MAP4K5: variants seen among roughly 807,000 people sequenced by gnomAD.
MAP4K5 encodes mitogen-activated protein kinase kinase kinase kinase 5, also known as MAPK/ERK kinase kinase kinase 5.
MAP4K5 carries 82 observed loss-of-function variants against 135.6 expected under a neutral mutation model. That is an observed-to-expected ratio of 0.60 (90% CI 0.51 to 0.73). MAP4K5 has a LOEUF of 0.73. Ranked by LOEUF, MAP4K5 falls within the 30% of genes least tolerant of loss-of-function variation. The pLI, the probability that MAP4K5 is intolerant of heterozygous loss-of-function variation, is 0.00. For missense variants in MAP4K5, 907 were observed against 1,010.9 expected (o/e 0.90, Z 1.39); for synonymous variants, 347 against 335.0 (o/e 1.04, Z -0.39).
intron 29 of MAP4K5, 30 bp downstream of exon 29, chr14:50,429,162 A>G: frequency 1.6e-6 from 2 of 1,288,322 alleles, no homozygotes; most frequent in Non-Finnish European, 2.2e-6. Flanking sequence ...CAAGTAGTAT[A>G]CTCAAAATAA....
chr14:50,520,215 T>G (rs916276812), intron 2 of MAP4K5, among the ~76,000 whole-genome samples: 1 of 150,168 alleles, frequency 6.7e-6, no homozygotes, highest in African/African-American at 2.5e-5. Context: ...ATACAAAAAT[T>G]TGGCCGGGCG....
intron 13 of MAP4K5, among the ~76,000 whole-genome samples, chr14:50,458,590 T>C (rs1281021219): frequency 6.6e-6 from 1 of 152,196 alleles, no homozygotes; most frequent in South Asian, 2.1e-4. Context: ...ATGTTCTCAT[T>C]GAAACTCTCC....
intron 2 of MAP4K5, among the ~76,000 whole-genome samples, chr14:50,507,902 T>C (rs1007158195): frequency 6.6e-6 from 1 of 152,168 alleles, no homozygotes; most frequent in African/African-American, 2.4e-5. Flanking sequence ...CTGGATATCC[T>C]TGTTAACTTT....
At chr14:50,558,308 G>A (rs1209320186) in intron 1 of MAP4K5, among the ~76,000 whole-genome samples, 1 of 152,182 alleles carries the variant, frequency 6.6e-6, no homozygotes, top group Non-Finnish European at 1.5e-5. Flanking sequence ...GTAGTGAGCT[G>A]AGATCACGCC....
chr14:50,461,658 C>T (rs1404260170), intron 13 of MAP4K5, among the ~76,000 whole-genome samples: 1 of 152,064 alleles, frequency 6.6e-6, no homozygotes, highest in African/African-American at 2.4e-5. Flanking sequence ...TGGTGGCTCA[C>T]GCCTGTAATC....
intron 3 of MAP4K5, among the ~76,000 whole-genome samples, chr14:50,494,904 C>CTGTGTA (rs2037562103): frequency 6.6e-6 from 1 of 152,096 alleles, no homozygotes; most frequent in Non-Finnish European, 1.5e-5. Context: ...AGTTGGACCC[C>CTGTGTA]TGCCTTAAAC....
At chr14:50,522,703 C>T (rs1365039497) in intron 2 of MAP4K5, among the ~76,000 whole-genome samples, 1 of 151,918 alleles carries the variant, frequency 6.6e-6, no homozygotes, top group East Asian at 1.9e-4. Context: ...ATATGAAAAC[C>T]AAGAGTCTCT....
rs1225639386 is a variant in MAP4K5, at chr14:50,419,195, T to C, written c.*824A>G. The C allele has an allele frequency of 6.6e-6, 1 of 152,122 alleles. No homozygotes were observed. Among genetic ancestry groups the C allele is most frequent in the African/African-American group, 2.4e-5 (1 of 41,446 alleles). The allele number at this position is 152,122 out of a possible 1,614,324, so 9.4% of individuals were successfully genotyped here. On this transcript the variant is annotated 3_prime_UTR_variant, in exon 33 of 33. Transcript: ENST00000682126. ...TAATGTAAAGAAAAATCACAGGTATTTTATACTGCTTGTCAAGAATACATA... is the reference window on the plus strand; with the variant it reads ...TAATGTAAAGAAAAATCACAGGTATCTTATACTGCTTGTCAAGAATACATA...
At chr14:50,478,023 G>A (rs2037142366) in intron 6 of MAP4K5, among the ~76,000 whole-genome samples, 1 of 152,082 alleles carries the variant, frequency 6.6e-6, no homozygotes, top group African/African-American at 2.4e-5. Flanking sequence ...GGTATATATA[G>A]GATTGGCATT....
chr14:50,473,358 T>G (rs1266397502), intron 9 of MAP4K5, among the ~76,000 whole-genome samples: 2 of 152,150 alleles, frequency 1.3e-5, no homozygotes, highest in Non-Finnish European at 2.9e-5. Context: ...GCCATTGTTT[T>G]TGCTAATAGA....
chr14:50,420,477 T>A (rs1011674281), intron 32 of MAP4K5, among the ~76,000 whole-genome samples: 12 of 150,272 alleles, frequency 8.0e-5, no homozygotes, highest in Non-Finnish European at 1.3e-4. Flanking sequence ...CAAAAAAAAA[T>A]AATAATTAGC....
intron 2 of MAP4K5, among the ~76,000 whole-genome samples, chr14:50,523,789 A>C (rs545816282): frequency 1.7e-4 from 26 of 152,334 alleles, no homozygotes; most frequent in African/African-American, 6.0e-4. Flanking sequence ...GATGTATCAC[A>C]AGGCACCACA....
intron 1 of MAP4K5, among the ~76,000 whole-genome samples, chr14:50,545,452 G>A (rs1203109927): frequency 1.3e-5 from 2 of 152,168 alleles, no homozygotes; most frequent in Non-Finnish European, 2.9e-5. Flanking sequence ...GGTGGTCGAC[G>A]GCATCCATGT....
intron 3 of MAP4K5, among the ~76,000 whole-genome samples, chr14:50,493,397 T>G (rs1471774898): frequency 6.6e-6 from 1 of 152,198 alleles, no homozygotes; most frequent in African/African-American, 2.4e-5. Flanking sequence ...CATACACAAT[T>G]TGGACCATAC....
At chr14:50,501,893 C>T (rs1330381086) in intron 3 of MAP4K5, among the ~76,000 whole-genome samples, 2 of 152,114 alleles carry the variant, frequency 1.3e-5, no homozygotes, top group Non-Finnish European at 2.9e-5. Flanking sequence ...AAGGTCTTTG[C>T]CTTTTTGTTC....
At chr14:50,512,984 C>T (rs1055301733) in intron 2 of MAP4K5, among the ~76,000 whole-genome samples, 5 of 152,084 alleles carry the variant, frequency 3.3e-5, no homozygotes, top group African/African-American at 1.2e-4. Context: ...GATTCCTATT[C>T]ATGTTAGTAG....
At chr14:50,437,764 T>G (rs931207548) in intron 25 of MAP4K5, 130 bp downstream of exon 25, 22 of 691,916 alleles carry the variant, frequency 3.2e-5, no homozygotes, top group African/African-American at 5.4e-5. Context: ...CTTTTCCAGA[T>G]ATAATACACT....
chr14:50,516,232 T>C (rs749843722), intron 2 of MAP4K5, among the ~76,000 whole-genome samples: 3 of 152,264 alleles, frequency 2.0e-5, no homozygotes, highest in African/African-American at 7.2e-5. Flanking sequence ...GAATAATTCC[T>C]GTTCTGGATT....
At chr14:50,529,667 A>G (rs1449168601) in intron 2 of MAP4K5, among the ~76,000 whole-genome samples, 2 of 152,226 alleles carry the variant, frequency 1.3e-5, no homozygotes, top group Non-Finnish European at 2.9e-5. Flanking sequence ...TATGTTGGTG[A>G]TAAGTACAAA....
Sources: gnomAD v4.1 joint callset for allele counts (sites outside exome capture counted in the v4.1 genomes callset) on GRCh38, gnomAD v4.1.1 for gene constraint, MANE v1.5 for transcripts, NCBI Gene and HGNC (gene_info 2026-07-23, HGNC 2026-07-21) for gene names.